CLDN14: variants seen among roughly 807,000 people sequenced by gnomAD.
CLDN14 encodes claudin 14.
In CLDN14, 2 loss-of-function variants were observed where a neutral mutation model predicts 2.1. That is an observed-to-expected ratio of 0.96 (90% CI 0.39 to 3.01). CLDN14 has a LOEUF of 3.01. Among genes scored for constraint, CLDN14 ranks in the 30% most tolerant of loss-of-function variants. The pLI is 0.09. For missense variants in CLDN14, 298 were observed against 328.0 expected (o/e 0.91, Z 0.71); for synonymous variants, 136 against 154.4 (o/e 0.88, Z 0.88).
chr21:36,551,728 A>G lies in CLDN14; in HGVS notation c.-220+24683T>C, dbSNP rs2087564817. Among the ~76,000 whole-genome samples the G allele has an allele frequency of 6.6e-6, 1 of 152,154 alleles. No homozygotes were observed. The highest frequency in any genetic ancestry group is 6.5e-5 in the Admixed American group (1 of 15,274). The stretch of plus-strand genomic sequence containing the variant: ...TAGGTTAGCTGTGCTGTAGGATCAC[A>G]GCAGGGGGACAAATTTTCACGTGAA... On this transcript the variant is annotated intron_variant, in intron 1 of 2. Coordinates refer to the CLDN14 transcript ENST00000342108. This position sits in a 1 kb window ranked among gnomAD's most constrained non-coding sequence, Gnocchi z 4.8.
intron 2 of CLDN14, among the ~76,000 whole-genome samples, chr21:36,500,051 C>G (rs1471194740): frequency 6.6e-6 from 1 of 152,052 alleles, no homozygotes; most frequent in Admixed American, 6.5e-5. Context: ...TTGGAAACAC[C>G]CTGGGGCAAC....
chr21:36,505,922 A>G (rs1263374891), intron 2 of CLDN14, among the ~76,000 whole-genome samples: 1 of 152,156 alleles, frequency 6.6e-6, no homozygotes, highest in African/African-American at 2.4e-5. Context: ...GCCCTGTTAC[A>G]CTAGCATACT....
intron 2 of CLDN14, among the ~76,000 whole-genome samples, chr21:36,508,560 G>A (rs1234713746): frequency 6.6e-6 from 1 of 152,186 alleles, no homozygotes; most frequent in South Asian, 2.1e-4. Flanking sequence ...GCGTTGGGGG[G>A]CCCCGGAGAG....
intron 1 of CLDN14, among the ~76,000 whole-genome samples, chr21:36,562,397 C>A (rs985671032): frequency 6.6e-6 from 1 of 152,184 alleles, no homozygotes; most frequent in African/African-American, 2.4e-5. Flanking sequence ...CATGGGACAT[C>A]CACTTTGTAA....
chr21:36,526,700 C>T (rs1286908375), intron 1 of CLDN14, among the ~76,000 whole-genome samples: 8 of 152,336 alleles, frequency 5.3e-5, no homozygotes, highest in South Asian at 2.1e-4. Flanking sequence ...CAGGCAACCA[C>T]GGGCACTTCA....
At chr21:36,564,233 G>A (rs2087657055) in intron 1 of CLDN14, among the ~76,000 whole-genome samples, 1 of 152,238 alleles carries the variant, frequency 6.6e-6, no homozygotes, top group Admixed American at 6.5e-5. Context: ...AAGAATATGT[G>A]TCAAGAAGGA....
intron 2 of CLDN14, among the ~76,000 whole-genome samples, chr21:36,496,731 A>G (rs1235333654): frequency 6.9e-3 from 29 of 4,230 alleles, no homozygotes; most frequent in South Asian, 0.02. Flanking sequence ...GGGAGGGAGG[A>G]AGGGAGGGAG....
chr21:36,494,551 G>T (rs1460575660), intron 2 of CLDN14, among the ~76,000 whole-genome samples: 2 of 152,194 alleles, frequency 1.3e-5, no homozygotes, highest in Non-Finnish European at 2.9e-5. Flanking sequence ...CAGTGCCTTA[G>T]AATGTGGCTG....
rs370989238 is a variant in CLDN14, at chr21:36,478,972, TC to T, written c.-82+522del. On this transcript the variant is annotated intron_variant, in intron 1 of 1. Transcript: ENST00000399135. Reference sequence around the variant, plus strand: ...CCCTCATTGAGAGAGATCTATCACTTCCCCCCCTCTCCTGCCATGCCAATAT... The same window carrying T: ...CCCTCATTGAGAGAGATCTATCACTTCCCCCCTCTCCTGCCATGCCAATAT... Among the ~76,000 whole-genome samples the T allele has an allele frequency of 3.4e-3, 523 of 151,780 alleles. 5 individuals are homozygous for T. Among genetic ancestry groups the T allele is most frequent in the African/African-American group, 0.012 (504 of 41,352 alleles).
At chr21:36,524,493 G>A (rs1483970725) in intron 1 of CLDN14, among the ~76,000 whole-genome samples, 3 of 152,184 alleles carry the variant, frequency 2.0e-5, no homozygotes, top group African/African-American at 4.8e-5. Flanking sequence ...GATACCGACC[G>A]TATGCCACTG....
intron 1 of CLDN14, among the ~76,000 whole-genome samples, chr21:36,510,742 G>T (rs1207754899): frequency 1.3e-5 from 2 of 152,238 alleles, no homozygotes; most frequent in African/African-American, 4.8e-5. Flanking sequence ...TGCTGTGAAG[G>T]TTTCATCTTT....
intron 1 of CLDN14, among the ~76,000 whole-genome samples, chr21:36,535,446 TA>T (rs1442068974): frequency 1.3e-5 from 2 of 152,022 alleles, no homozygotes; most frequent in Non-Finnish European, 2.9e-5. Context: ...AAATGATTTA[TA>T]AAGACCACAT....
rs144981492 is a variant in CLDN14, at chr21:36,514,662, T to TAG, written c.-219-4164_-219-4163dup. On this transcript the variant is annotated intron_variant, in intron 1 of 2. Transcript: ENST00000342108. Reference sequence around the variant, plus strand: ...GTGTGTGTGTGTGTGTGTGTGTGTGTAGAGAGACAGGAGGGAGAGAAGAGG... The same window carrying TAG: ...GTGTGTGTGTGTGTGTGTGTGTGTGTAGAGAGAGACAGGAGGGAGAGAAGAGG... Among the ~76,000 whole-genome samples, 443 of 131,300 alleles carry TAG rather than the reference T, an allele frequency of 3.4e-3. 3 individuals are homozygous for TAG. The highest frequency in any genetic ancestry group is 0.014 in the African/African-American group (373 of 27,580). 86.1% of individuals were successfully genotyped at this position (131,300 alleles called of 152,430 possible). A position where few individuals can be genotyped will look rare whatever the true frequency, so the allele number is the denominator to read the frequency against.
At chr21:36,462,897 G>A (rs1459295342) in intron 1 of CLDN14, among the ~76,000 whole-genome samples, 2 of 150,622 alleles carry the variant, frequency 1.3e-5, no homozygotes, top group African/African-American at 4.9e-5. Context: ...CATCCTGGGC[G>A]ACAGAGTAAG....
intron 1 of CLDN14, among the ~76,000 whole-genome samples, chr21:36,471,694 AAAAG>A (rs1601595695): frequency 6.6e-6 from 1 of 152,362 alleles, no homozygotes; most frequent in East Asian, 1.9e-4. Flanking sequence ...GCAAAATAGA[AAAAG>A]AAAGCAAACC....
chr21:36,533,298 G>A (rs2087395846), intron 1 of CLDN14, among the ~76,000 whole-genome samples: 1 of 152,190 alleles, frequency 6.6e-6, no homozygotes, highest in Non-Finnish European at 1.5e-5. Context: ...ACATGGCCAG[G>A]AGGGTGCTCC....
At chr21:36,560,801 C>G (rs1204415637) in intron 1 of CLDN14, among the ~76,000 whole-genome samples, 1 of 111,514 alleles carries the variant, frequency 9.0e-6, no homozygotes, top group Non-Finnish European at 1.9e-5. Flanking sequence ...TCTGATCTTC[C>G]TTAACAAGTC....
intron 2 of CLDN14, among the ~76,000 whole-genome samples, chr21:36,494,679 G>A (rs1192739461): frequency 6.6e-6 from 1 of 152,204 alleles, no homozygotes; most frequent in Non-Finnish European, 1.5e-5. Context: ...ACAGGCACAT[G>A]CAGGGGGATG....
intron 2 of CLDN14, among the ~76,000 whole-genome samples, chr21:36,505,803 T>C (rs2087127174): frequency 6.6e-6 from 1 of 152,144 alleles, no homozygotes; most frequent in East Asian, 1.9e-4. Flanking sequence ...AACCCCTTCC[T>C]GGTTTGATCC....
Sources: allele counts gnomAD v4.1 joint callset (sites outside exome capture counted in the v4.1 genomes callset), GRCh38; gene constraint gnomAD v4.1.1; non-coding constraint Gnocchi (gnomAD v3.1); transcripts MANE v1.5; gene names NCBI Gene and HGNC (gene_info 2026-07-23, HGNC 2026-07-21).